RB1: variants seen among roughly 807,000 people sequenced by gnomAD.
RB1 encodes the protein RB transcriptional corepressor 1, also known as retinoblastoma-associated protein.
A neutral mutation model predicts 135.4 loss-of-function variants in RB1; 18 were observed. The ratio of observed to expected loss-of-function variants is 0.13; its 90% confidence interval spans 0.09 to 0.20. The LOEUF is 0.20. RB1 is among the 10% of genes least tolerant of loss of function. The pLI, the probability that RB1 is intolerant of heterozygous loss-of-function variation, is 1.00. For synonymous variants in RB1, 365 were observed against 373.2 expected (o/e 0.98, Z 0.25); for missense variants, 868 against 1,110.0 (o/e 0.78, Z 3.10).
chr13:48,445,534 T>C (rs9535033), intron 17 of RB1, among the ~76,000 whole-genome samples: 85,637 of 151,974 alleles, frequency 0.56, 28,222 homozygotes, highest in Non-Finnish European at 0.72. Flanking sequence ...TCTTTCATCT[T>C]TTGGAAGATC....
At chr13:48,428,575 C>A (rs1737557583) in intron 17 of RB1, among the ~76,000 whole-genome samples, 1 of 152,178 alleles carries the variant, frequency 6.6e-6, no homozygotes, top group Non-Finnish European at 1.5e-5. Flanking sequence ...AAGCAAAGAA[C>A]TTTGTCTTTA....
intron 2 of RB1, among the ~76,000 whole-genome samples, chr13:48,326,855 G>T (rs927342090): frequency 1.3e-5 from 2 of 151,122 alleles, no homozygotes; most frequent in Non-Finnish European, 2.9e-5. Flanking sequence ...GTGTTTAACT[G>T]TCACATTAAA....
At chr13:48,457,889 G>A (rs776074704) in intron 19 of RB1, among the ~76,000 whole-genome samples, 11 of 152,258 alleles carry the variant, frequency 7.2e-5, no homozygotes, top group Non-Finnish European at 1.5e-4. Flanking sequence ...GAGCCTGCGA[G>A]GGCGGTGGCA....
At chr13:48,376,888 G>T (rs759039745) in intron 12 of RB1, 30 bp from the exon 13 acceptor site, 1 of 1,612,218 alleles carries the variant, frequency 6.2e-7, no homozygotes, top group South Asian at 1.1e-5. Context: ...CAGTATCCTC[G>T]ACATTGATTT....
At chr13:48,314,496 T>C (rs1952162375) in intron 2 of RB1, among the ~76,000 whole-genome samples, 1 of 152,196 alleles carries the variant, frequency 6.6e-6, no homozygotes, top group African/African-American at 2.4e-5. Flanking sequence ...TCTATTTTTT[T>C]TGGATAAGAG....
intron 2 of RB1, among the ~76,000 whole-genome samples, chr13:48,336,779 G>A (rs1207053943): frequency 6.6e-6 from 1 of 151,612 alleles, no homozygotes; most frequent in Non-Finnish European, 1.5e-5. Flanking sequence ...ATGTTAGGGT[G>A]TCAATTTTGG....
Position 48,445,886 on chromosome 13 carries a change from A to G in RB1, c.1696-7107A>G, listed in dbSNP as rs986193236. ...TCTATTTGACTAACATTTGAGGTAA[A>G]AAACATGGGGGAAAGGAGCAGATAA... On this transcript the variant is annotated intron_variant, in intron 17 of 26. Coordinates refer to ENST00000267163, the MANE Select transcript of RB1 (RefSeq NM_000321.3). Among the ~76,000 whole-genome samples the G allele has an allele frequency of 3.9e-5, 6 of 152,312 alleles. No individual in the cohort carries two copies. The South Asian group carries it at 6.2e-4, about 16-fold the overall frequency.
chr13:48,479,491 G>C (rs985391221), intron 26 of RB1, among the ~76,000 whole-genome samples: 1 of 152,152 alleles, frequency 6.6e-6, no homozygotes, highest in Admixed American at 6.5e-5. Flanking sequence ...ACATAAAGTA[G>C]AAGTTCTATT....
chr13:48,305,701 C>G (rs1335704020), intron 1 of RB1, among the ~76,000 whole-genome samples: 1 of 152,138 alleles, frequency 6.6e-6, no homozygotes, highest in Non-Finnish European at 1.5e-5. Context: ...CTTGATTATC[C>G]ATACCCACAA....
At chr13:48,430,488 C>T (rs1357603677) in intron 17 of RB1, among the ~76,000 whole-genome samples, 1 of 152,100 alleles carries the variant, frequency 6.6e-6, no homozygotes, top group Non-Finnish European at 1.5e-5. Context: ...TGCCTATAAT[C>T]CCAGCACTTT....
chr13:48,307,040 T>C (rs928919379), intron 1 of RB1, among the ~76,000 whole-genome samples: 10 of 152,356 alleles, frequency 6.6e-5, no homozygotes, highest in African/African-American at 2.2e-4. Flanking sequence ...TATATTTGAC[T>C]TACCATGCAA....
chr13:48,327,971 A>C, intron 2 of RB1: 1 of 545,152 alleles, frequency 1.8e-6, no homozygotes, highest in Non-Finnish European at 3.3e-6. Context: ...TAAAAAGATG[A>C]AAAAGAAAAA....
chr13:48,390,936 G>C (rs1422658067), intron 17 of RB1, among the ~76,000 whole-genome samples: 1 of 151,980 alleles, frequency 6.6e-6, no homozygotes. Context: ...CCTTTTAATT[G>C]GGATGTTTAG....
At chr13:48,417,011 A>C (rs1258589074) in intron 17 of RB1, among the ~76,000 whole-genome samples, 1 of 152,200 alleles carries the variant, frequency 6.6e-6, no homozygotes, top group East Asian at 1.9e-4. Flanking sequence ...CAGCAGACTT[A>C]AACGTTCCTG....
chr13:48,307,843 C>T (rs7986430), intron 2 of RB1, among the ~76,000 whole-genome samples: 3,302 of 148,732 alleles, frequency 0.022, 113 homozygotes, highest in African/African-American at 0.077. Flanking sequence ...AGCCTGGCAA[C>T]AGAGCGAGAG....
At chr13:48,412,018 C>A in intron 17 of RB1, 1 of 1,612,586 alleles carries the variant, frequency 6.2e-7, no homozygotes, top group Non-Finnish European at 8.5e-7. Flanking sequence ...CCAGTGCAAA[C>A]AATCTTTGCA....
intron 6 of RB1, among the ~76,000 whole-genome samples, 200 bp from the exon 7 acceptor site, chr13:48,359,817 T>C (rs546604021): frequency 1.3e-5 from 2 of 151,354 alleles, no homozygotes; most frequent in South Asian, 4.2e-4. Flanking sequence ...TTCCATAACT[T>C]TACATATTTC....
chr13:48,325,755 G>A (rs1426387768), intron 2 of RB1, among the ~76,000 whole-genome samples: 1 of 151,824 alleles, frequency 6.6e-6, no homozygotes, highest in Non-Finnish European at 1.5e-5. Context: ...GAGACATTTA[G>A]TTTGTTTTTG....
intron 17 of RB1, among the ~76,000 whole-genome samples, chr13:48,429,029 T>G (rs1321828301): frequency 6.6e-6 from 1 of 152,228 alleles, no homozygotes; most frequent in Non-Finnish European, 1.5e-5. Flanking sequence ...ACCTGAATTC[T>G]TTTGCTCCCA....
Sources: allele counts gnomAD v4.1 joint callset (sites outside exome capture counted in the v4.1 genomes callset), GRCh38; gene constraint gnomAD v4.1.1; transcripts MANE v1.5; gene names NCBI Gene and HGNC (gene_info 2026-07-23, HGNC 2026-07-21).